The following MYCBP2 variants were observed in gnomAD, a reference collection of about 807,000 sequenced individuals.
MYCBP2 encodes the protein E3 ubiquitin-protein ligase MYCBP2.
In MYCBP2, 120 loss-of-function variants were observed where a neutral mutation model predicts 525.3. The ratio of observed to expected loss-of-function variants is 0.23; its 90% CI spans 0.20 to 0.27. The LOEUF is 0.27. MYCBP2 is among the 10% of genes least tolerant of loss of function. The pLI, the probability that MYCBP2 is intolerant of heterozygous loss-of-function variation, is 1.00. For synonymous variants in MYCBP2, 1,894 were observed against 1,955.8 expected (o/e 0.97, Z 0.83); for missense variants, 4,149 against 5,657.1 (o/e 0.73, Z 8.55).
Position 77,233,211 on chromosome 13 carries a change from T to C in MYCBP2, c.2682A>G (p.Leu894=). 6.2e-7 allele frequency: 1 copy of C among 1,613,884 alleles called. No individual in the cohort carries two copies. The highest frequency in any genetic ancestry group is 2.2e-5 in the East Asian group (1 of 44,876). The change falls in exon 18 of 83, where the codon CTA becomes CTG. Residue 894 remains leucine (L), a synonymous_variant. Transcript: ENST00000544440. The stretch of plus-strand genomic sequence containing the variant: ...GTGCTGGATGGGATCTGAGTCTGGC[T>C]AGAGCCTGTTCTCGATGGTTCATAA... ...PIFMNHREQA[L]ARLRSHPAQL...
chr13:77,077,614 G>A, intron 66 of MYCBP2: 2 of 445,450 alleles, frequency 4.5e-6, no homozygotes, highest in South Asian at 8.5e-5. Context: ...ACAGGTTAAG[G>A]GATTTTCAGT....
At chr13:77,146,817 C>T (rs1026593875) in intron 47 of MYCBP2, among the ~76,000 whole-genome samples, 6 of 152,114 alleles carry the variant, frequency 3.9e-5, no homozygotes, top group Admixed American at 1.3e-4. Context: ...ATACATTGCT[C>T]GTGGGAGTGT....
intron 34 of MYCBP2, among the ~76,000 whole-genome samples, chr13:77,178,923 T>C (rs1351037519): frequency 6.6e-6 from 1 of 152,196 alleles, no homozygotes; most frequent in Non-Finnish European, 1.5e-5. Context: ...AGGAAGGTAT[T>C]ATAGACTAAA....
At chr13:77,167,111 A>C (rs1317925906) in intron 40 of MYCBP2, among the ~76,000 whole-genome samples, 1 of 152,056 alleles carries the variant, frequency 6.6e-6, no homozygotes, top group Non-Finnish European at 1.5e-5. Context: ...AAGGAGACTG[A>C]GGTGTGTCTG....
At chr13:77,296,715 C>A in intron 1 of MYCBP2, 41 bp from the exon 2 acceptor site, 2 of 1,225,604 alleles carry the variant, frequency 1.6e-6, no homozygotes, top group South Asian at 3.0e-5. Context: ...TATGAATGTT[C>A]ATATTAGGAC....
At chr13:77,067,960 C>G in intron 70 of MYCBP2, 96 bp from the exon 71 acceptor site, 1 of 1,280,974 alleles carries the variant, frequency 7.8e-7, no homozygotes, top group Non-Finnish European at 1.1e-6. Flanking sequence ...CAGGGTCTTG[C>G]TTTGTTGCCC....
chr13:77,188,198 C>T (rs933997323), intron 30 of MYCBP2, among the ~76,000 whole-genome samples: 1 of 151,854 alleles, frequency 6.6e-6, no homozygotes, highest in Non-Finnish European at 1.5e-5. Context: ...TATCTCATTC[C>T]TACCAGGAAT....
chr13:77,212,217 A>G, intron 21 of MYCBP2, 57 bp from the exon 22 acceptor site: 5 of 1,502,082 alleles, frequency 3.3e-6, no homozygotes, highest in Non-Finnish European at 4.5e-6. Flanking sequence ...TCTAATTTTC[A>G]TAAAGTTAAG....
At chr13:77,067,536 C>G (rs757925940) in intron 71 of MYCBP2, 45 bp downstream of exon 71, 2 of 1,575,626 alleles carry the variant, frequency 1.3e-6, no homozygotes, top group Admixed American at 1.7e-5. Flanking sequence ...TGAACAGTAG[C>G]TCACTCTATT....
chr13:77,149,333 T>A (rs1034530021), intron 47 of MYCBP2, among the ~76,000 whole-genome samples: 1 of 152,122 alleles, frequency 6.6e-6, no homozygotes, highest in Admixed American at 6.6e-5. Flanking sequence ...TCAGGTAAAT[T>A]CCTGAACCTC....
chr13:77,317,568 T>G (rs1567243515), intron 1 of MYCBP2, among the ~76,000 whole-genome samples: 1 of 152,246 alleles, frequency 6.6e-6, no homozygotes, highest in South Asian at 2.1e-4. Flanking sequence ...ATCAAAGGAC[T>G]GTTTTACTGC....
Position 77,326,218 on chromosome 13 carries a change from T to C in MYCBP2, c.302+256A>G, listed in dbSNP as rs1335210461. The stretch of plus-strand genomic sequence containing the variant: ...CACAGGTTCCCCTACCACCCCTCAC[T>C]ATCCCCCCACATAGGCAGGCAGACA... On this transcript the variant is annotated intron_variant, in intron 1 of 82. Transcript: ENST00000544440. This position sits in a 1 kb window ranked among gnomAD's most constrained non-coding sequence, Gnocchi z 4.2. Among the ~76,000 whole-genome samples, 1 of 143,830 alleles carries C rather than the reference T, an allele frequency of 7.0e-6. No individual in the cohort carries two copies. Among genetic ancestry groups the C allele is most frequent in the Non-Finnish European group, 1.5e-5 (1 of 66,180 alleles). 94.4% of individuals were successfully genotyped at this position (143,830 alleles called of 152,430 possible).
At chr13:77,288,674 T>TA (rs1452137869) in intron 2 of MYCBP2, among the ~76,000 whole-genome samples, 3 of 152,312 alleles carry the variant, frequency 2.0e-5, no homozygotes, top group African/African-American at 7.2e-5. Flanking sequence ...GCTTAACTCT[T>TA]AGAGTTCTGT....
At chr13:77,323,484 A>G (rs932832995) in intron 1 of MYCBP2, among the ~76,000 whole-genome samples, 6 of 152,200 alleles carry the variant, frequency 3.9e-5, no homozygotes, top group African/African-American at 1.4e-4. Flanking sequence ...TGGCAATTCA[A>G]TTTAAATGCC....
intron 19 of MYCBP2, 140 bp from the exon 20 acceptor site, chr13:77,224,672 A>C (rs1384392445): frequency 2.0e-6 from 1 of 508,490 alleles, no homozygotes; most frequent in Non-Finnish European, 3.5e-6. Flanking sequence ...ACAAATTTGT[A>C]TTTAATGAGA....
intron 47 of MYCBP2, among the ~76,000 whole-genome samples, chr13:77,150,216 A>T (rs1404821698): frequency 1.3e-5 from 2 of 152,240 alleles, no homozygotes; most frequent in Non-Finnish European, 2.9e-5. Context: ...CCCAAAATTG[A>T]AGGGGGCATA....
Position 77,140,837 on chromosome 13 carries a change from T to C in MYCBP2, c.7401+9A>G. On this transcript the variant is annotated intron_variant, in intron 50 of 82. Transcript: ENST00000544440. ...AATGATTCCGGCTCTCAATTCATTC[T>C]GCCCTAACCTTATTAGGCTGAGGTT... The C allele has an allele frequency of 6.3e-7, 1 of 1,586,934 alleles. No individual in the cohort carries two copies. The highest frequency in any genetic ancestry group is 1.8e-5 in the Admixed American group (1 of 54,932).
intron 3 of MYCBP2, among the ~76,000 whole-genome samples, chr13:77,284,605 T>C (rs2076544626): frequency 6.6e-6 from 1 of 152,218 alleles, no homozygotes; most frequent in African/African-American, 2.4e-5. Context: ...CATCAGGTGA[T>C]TGCACTGATT....
chr13:77,187,165 A>G (rs1323457209), intron 30 of MYCBP2, among the ~76,000 whole-genome samples: 1 of 152,174 alleles, frequency 6.6e-6, no homozygotes, highest in Admixed American at 6.5e-5. Flanking sequence ...AAAGTCTACA[A>G]TTACCTAATG....
Sources: allele counts gnomAD v4.1 joint callset (sites outside exome capture counted in the v4.1 genomes callset), GRCh38; gene constraint gnomAD v4.1.1; non-coding constraint Gnocchi (gnomAD v3.1); transcripts MANE v1.5; gene names NCBI Gene and HGNC (gene_info 2026-07-23, HGNC 2026-07-21).